The following SPRY3 variants were observed in gnomAD, a reference collection of about 807,000 sequenced individuals.
The protein encoded by SPRY3 is sprouty RTK signaling antagonist 3, also known as protein sprouty homolog 3.
In SPRY3, 15 loss-of-function variants were observed where a neutral mutation model predicts 20.2. The observed-to-expected ratio is 0.74, with a 90% CI of 0.50 to 1.14. SPRY3 has a LOEUF of 1.14. Among genes scored for constraint, SPRY3 ranks in the 50% most tolerant of loss-of-function variants. The pLI, the probability that SPRY3 is intolerant of heterozygous loss-of-function variation, is 0.00. For missense variants in SPRY3, 364 were observed against 363.9 expected (o/e 1.00, Z 0.00); for synonymous variants, 143 against 136.5 (o/e 1.05, Z -0.33).
At chrX:155,753,978 T>C (rs1425874084) in intron 2 of SPRY3, among the ~76,000 whole-genome samples, 4 of 152,008 alleles carry the variant, frequency 2.6e-5, no homozygotes, top group Non-Finnish European at 5.9e-5. Context: ...TTATCTATTG[T>C]GGATACAAGT....
downstream of SPRY3, chrX:155,777,136 C>G (rs2091432312): frequency 1.2e-5 from 2 of 167,056 alleles, no homozygotes; most frequent in South Asian, 4.2e-4. Flanking sequence ...AAGCTCTGCC[C>G]AGTTCTCTGG....
At chrX:155,727,269 C>T (rs146825672) in intron 2 of SPRY3, among the ~76,000 whole-genome samples, 19,391 of 151,960 alleles carry the variant, frequency 0.13, 2,097 homozygotes, top group African/African-American at 0.31. Context: ...GTAAATCTGA[C>T]AATTATGTGT....
intron 2 of SPRY3, among the ~76,000 whole-genome samples, chrX:155,727,153 G>A (rs1465308173): frequency 3.9e-5 from 6 of 152,082 alleles, no homozygotes; most frequent in Non-Finnish European, 8.8e-5. Context: ...TGGCTTGTAG[G>A]GTTTCTGCCA....
chrX:155,781,873 G>C (rs1232464022), exon 2 of SPRY3: 1 of 166,876 alleles, frequency 6.0e-6, no homozygotes, highest in Admixed American at 6.6e-5. Context: ...GGTCGTATGT[G>C]CCTTTAATCT....
chrX:155,766,957 C>G (rs921148401), intron 2 of SPRY3, among the ~76,000 whole-genome samples: 12 of 152,146 alleles, frequency 7.9e-5, no homozygotes, highest in Non-Finnish European at 1.3e-4. Flanking sequence ...AGCTCTTTCT[C>G]TTCATCTTAT....
chrX:155,677,162 T>C (rs2068060927), intron 2 of SPRY3, among the ~76,000 whole-genome samples: 2 of 111,972 alleles, frequency 1.8e-5, no homozygotes, highest in African/African-American at 6.5e-5. Context: ...AATAAAGTTA[T>C]CAGTAACATC....
intron 1 of SPRY3, among the ~76,000 whole-genome samples, chrX:155,634,378 G>C (rs1278397659): frequency 1.8e-5 from 2 of 111,788 alleles, no homozygotes; most frequent in Non-Finnish European, 3.8e-5. Context: ...GTGTGGACTT[G>C]TGAAATGTCT....
At chrX:155,744,931 A>G (rs184346115) in intron 2 of SPRY3, among the ~76,000 whole-genome samples, 24 of 152,054 alleles carry the variant, frequency 1.6e-4, no homozygotes, top group African/African-American at 5.8e-4. Context: ...GTATTTTAGG[A>G]ATACTTAGAA....
Position 155,616,132 on chromosome X carries a change from T to TCTCTCTCTCTCTCTCTCTCTC in SPRY3, c.-441+3503_-441+3504insCTCCTCTCTCTCTCTCTCTCT, listed in dbSNP as rs1569562349. The stretch of plus-strand genomic sequence containing the variant: ...TCTCTCTCTCTCTCTCTCTCTCTCC[T>TCTCTCTCTCTCTCTCTCTCTC]CTCTCTCTCTCTCTCTCTTCTCTCT... On this transcript the variant is annotated intron_variant, in intron 1 of 3. Coordinates refer to ENST00000675360, the Ensembl canonical transcript of SPRY3. Among the ~76,000 whole-genome samples, 61 of 29,667 alleles carry TCTCTCTCTCTCTCTCTCTCTC rather than the reference T, an allele frequency of 2.1e-3. 1 individual carries two copies. Among genetic ancestry groups the TCTCTCTCTCTCTCTCTCTCTC allele is most frequent in the African/African-American group, 3.5e-3 (57 of 16,394 alleles). 25.8% of individuals were successfully genotyped at this position (29,667 alleles called of 115,157 possible).
chrX:155,751,928 TAAAATAAAATAA>T lies in SPRY3; in HGVS notation c.-281-16031_-281-16020del, dbSNP rs748400630. On this transcript the variant is annotated intron_variant, in intron 2 of 3. Transcript: ENST00000675360. ...GAAAAGGAAAGCAAGGGAAGGGAAA[TAAAATAAAATAA>T]AATAAAATAAAATAAAATAAAATAA... Among the ~76,000 whole-genome samples the T allele has an allele frequency of 5.0e-4, 11 of 21,982 alleles. 1 individual carries two copies. In the Admixed American group the frequency reaches 6.4e-3, roughly 13 times the overall value. The allele number at this position is 21,982 out of a possible 152,430, so 14.4% of individuals were successfully genotyped here.
At chrX:155,738,020 C>G (rs1317444462) in intron 2 of SPRY3, among the ~76,000 whole-genome samples, 1 of 152,050 alleles carries the variant, frequency 6.6e-6, no homozygotes, top group Non-Finnish European at 1.5e-5. Flanking sequence ...GGACCTAATT[C>G]TCACACCTTG....
At chrX:155,773,705 T>G (rs2091398754) in intron 3 of SPRY3, 61 bp from the exon 3 acceptor site, 1 of 756,302 alleles carries the variant, frequency 1.3e-6, no homozygotes, top group African/African-American at 1.7e-5. Flanking sequence ...CTTTGTTGGT[T>G]TCTTGCAAAG....
intron 2 of SPRY3, among the ~76,000 whole-genome samples, chrX:155,696,642 G>A (rs375837700): frequency 1.6e-4 from 18 of 110,945 alleles, no homozygotes; most frequent in African/African-American, 5.9e-4. Context: ...AGAATAACTT[G>A]GTCATAAAAT....
chrX:155,616,136 T>TCTCTCTCTCTC (rs2067852609), intron 1 of SPRY3, among the ~76,000 whole-genome samples: 1 of 95,402 alleles, frequency 1.0e-5, no homozygotes, highest in African/African-American at 3.7e-5. Flanking sequence ...CTCTCCTCTC[T>TCTCTCTCTCTC]CTCTCTCTCT....
At chrX:155,742,307 T>C (rs1396291396) in intron 2 of SPRY3, among the ~76,000 whole-genome samples, 1 of 152,122 alleles carries the variant, frequency 6.6e-6, no homozygotes, top group Non-Finnish European at 1.5e-5. Flanking sequence ...TCTAAATATA[T>C]ATGCACCCAA....
intron 1 of SPRY3, among the ~76,000 whole-genome samples, chrX:155,637,086 A>G (rs2067926136): frequency 9.6e-6 from 1 of 104,653 alleles, no homozygotes. Flanking sequence ...CTAATGCTAG[A>G]TGACGAGTTA....
chrX:155,756,635 T>C (rs751748028), intron 2 of SPRY3, among the ~76,000 whole-genome samples: 1 of 152,198 alleles, frequency 6.6e-6, no homozygotes, highest in East Asian at 1.9e-4. Flanking sequence ...GAATTCATGA[T>C]TTGAGCCATC....
chrX:155,669,485 C>A (rs1184132681), intron 2 of SPRY3, among the ~76,000 whole-genome samples: 1 of 110,519 alleles, frequency 9.0e-6, no homozygotes, highest in African/African-American at 3.3e-5. Flanking sequence ...ATAACAAAGT[C>A]AGCTAGTATA....
Position 155,776,517 on chromosome X carries a change from G to A in SPRY3, c.*1779G>A, listed in dbSNP as rs185686166. 3.5e-3 allele frequency: 592 copies of A among 167,194 alleles called. 1 individual carries two copies. The highest frequency in any genetic ancestry group is 2.7e-3 in the Admixed American group (42 of 15,310). 10.4% of individuals were successfully genotyped at this position (167,194 alleles called of 1,614,324 possible). A position where few individuals can be genotyped will look rare whatever the true frequency, so the allele number is the denominator to read the frequency against. ...ATGGGAAAAAGCTGCAGTGGTGATGGCAGGCTCCTAAAGACTGCTGCTAAA... is the reference window on the plus strand; with the variant it reads ...ATGGGAAAAAGCTGCAGTGGTGATGACAGGCTCCTAAAGACTGCTGCTAAA... On this transcript the variant is annotated 3_prime_UTR_variant, in exon 4 of 4. Transcript: ENST00000675360.
Sources: gnomAD v4.1 joint callset for allele counts (sites outside exome capture counted in the v4.1 genomes callset) on GRCh38, gnomAD v4.1.1 for gene constraint, MANE v1.5 for transcripts, NCBI Gene and HGNC (gene_info 2026-07-23, HGNC 2026-07-21) for gene names.